Variants in ELAPOR2 observed in about 807,000 individuals in gnomAD.
ELAPOR2 encodes the protein endosome/lysosome-associated apoptosis and autophagy regulator family member 2.
Under a neutral mutation model 120.7 loss-of-function variants are expected in ELAPOR2, and 89 were observed. The observed-to-expected ratio is 0.74, with a 90% CI of 0.62 to 0.88. The LOEUF (loss-of-function observed/expected upper bound fraction) is 0.88. Ranked by LOEUF, ELAPOR2 falls within the 40% of genes least tolerant of loss-of-function variation. ELAPOR2 has a pLI of 0.00. For synonymous variants in ELAPOR2, 444 were observed against 444.9 expected, an observed-to-expected ratio of 1.00 and a Z score of 0.03; for missense variants, 1,134 against 1,251.6, an observed-to-expected ratio of 0.91 and a Z score of 1.42.
intron 8 of ELAPOR2, among the ~76,000 whole-genome samples, chr7:86,927,944 G>A (rs142394692): frequency 1.3e-4 from 20 of 152,028 alleles, no homozygotes; most frequent in South Asian, 4.2e-4. Context: ...AATTAAAGGC[G>A]ATTGTCCATA....
At chr7:87,026,793 G>T (rs139349437) in intron 1 of ELAPOR2, among the ~76,000 whole-genome samples, 1 of 151,520 alleles carries the variant, frequency 6.6e-6, no homozygotes, top group African/African-American at 2.4e-5. Context: ...TAATAAATAC[G>T]ATCTGTATTT....
At chr7:86,966,198 G>A (rs541785295) in intron 1 of ELAPOR2, among the ~76,000 whole-genome samples, 1 of 152,176 alleles carries the variant, frequency 6.6e-6, no homozygotes, top group South Asian at 2.1e-4. Flanking sequence ...CATCTTACAA[G>A]TTTTGCTTTC....
intron 13 of ELAPOR2, 114 bp from the exon 14 acceptor site, chr7:86,913,318 G>A: frequency 1.0e-6 from 1 of 999,550 alleles, no homozygotes; most frequent in Non-Finnish European, 1.5e-6. Flanking sequence ...CAGCCTAATA[G>A]TTTGTAATTG....
intron 1 of ELAPOR2, among the ~76,000 whole-genome samples, chr7:87,015,159 T>G (rs990448426): frequency 2.0e-5 from 3 of 152,206 alleles, no homozygotes; most frequent in Non-Finnish European, 2.9e-5. Flanking sequence ...TGTCTTTAAT[T>G]TTTTGCAAAT....
chr7:86,955,802 G>GT (rs1791445158), intron 2 of ELAPOR2, among the ~76,000 whole-genome samples: 1 of 151,896 alleles, frequency 6.6e-6, no homozygotes. Flanking sequence ...CTTTTCTACT[G>GT]TTTCTAGTGG....
chr7:86,993,237 A>T (rs1221892889), intron 1 of ELAPOR2, among the ~76,000 whole-genome samples: 1 of 148,130 alleles, frequency 6.8e-6, no homozygotes, highest in Non-Finnish European at 1.5e-5. Context: ...TCCATCTCAA[A>T]AAAAAAAAAA....
At chr7:86,902,093 T>C (rs73382375) in intron 18 of ELAPOR2, among the ~76,000 whole-genome samples, 17,273 of 152,236 alleles carry the variant, frequency 0.11, 1,034 homozygotes, top group African/African-American at 0.14. Context: ...GCTTGCTCTC[T>C]GCTTCATAGA....
Position 86,911,909 on chromosome 7 carries a change from C to G in ELAPOR2, c.2169+163G>C. The G allele has an allele frequency of 4.2e-6, 3 of 716,742 alleles. No homozygotes were observed. In the South Asian group the frequency reaches 5.6e-5, roughly 13 times the overall value. The allele number at this position is 716,742 out of a possible 1,614,324, so 44.4% of individuals were successfully genotyped here. ...ACAAGGTTGCCCCTGGTGGAGAAAT[C>G]TGCCAATATTCTAGGCAGCAATAGA... On this transcript the variant is annotated intron_variant, in intron 15 of 21. Coordinates refer to ENST00000450689, the MANE Select transcript of ELAPOR2 (RefSeq NM_001142749.3).
chr7:87,029,919 G>A (rs1003568063), intron 1 of ELAPOR2, among the ~76,000 whole-genome samples: 1 of 152,120 alleles, frequency 6.6e-6, no homozygotes, highest in African/African-American at 2.4e-5. Context: ...TGGAAGTAGA[G>A]TCAAATGCCT....
chr7:87,046,861 A>G (rs536612113), intron 1 of ELAPOR2, among the ~76,000 whole-genome samples: 1 of 152,216 alleles, frequency 6.6e-6, no homozygotes, highest in Non-Finnish European at 1.5e-5. Context: ...CTTTATATCA[A>G]TGTGAAAAGA....
intron 21 of ELAPOR2, among the ~76,000 whole-genome samples, chr7:86,888,191 A>C (rs1425697934): frequency 6.6e-6 from 1 of 152,114 alleles, no homozygotes; most frequent in Non-Finnish European, 1.5e-5. Context: ...ACATGGACAA[A>C]GCGGGGGTAC....
rs1788503312 is a variant in ELAPOR2 at position 86,897,607 on chromosome 7, C to T, written c.2584G>A (p.Gly862Arg). The change falls in exon 19 of 22, where the codon GGG becomes AGG. Residue 862 changes from glycine to arginine, a missense_variant. This residue lies in a region of ELAPOR2 where 831 missense variants were observed against 867.6 expected (regional missense o/e 0.96). Transcript: ENST00000450689. The stretch of plus-strand genomic sequence containing the variant: ...TCCCACAGGAAATAGAACGTACACC[C>T]ATCACAGGTACCTGCTGGGCACTTG... ...PSKCPAGTCD[G>R]CTFYFLWESA... 6.2e-7 allele frequency: 1 copy of T among 1,613,340 alleles called. No individual in the cohort carries two copies. The highest frequency in any genetic ancestry group is 8.5e-7 in the Non-Finnish European group (1 of 1,179,514).
chr7:86,978,068 C>T (rs1792339908), intron 1 of ELAPOR2, among the ~76,000 whole-genome samples: 1 of 152,190 alleles, frequency 6.6e-6, no homozygotes, highest in Non-Finnish European at 1.5e-5. Context: ...ATAATTTCCA[C>T]CTGTCAAGGG....
chr7:86,945,636 T>C (rs1390931185), intron 3 of ELAPOR2, among the ~76,000 whole-genome samples: 2 of 152,140 alleles, frequency 1.3e-5, no homozygotes, highest in East Asian at 3.8e-4. Flanking sequence ...ATGGCAATAG[T>C]ATGAAGATAA....
intron 20 of ELAPOR2, 74 bp downstream of exon 20, chr7:86,892,848 A>G (rs1355566353): frequency 3.9e-6 from 5 of 1,293,284 alleles, no homozygotes; most frequent in Non-Finnish European, 5.1e-6. Context: ...TATTGGATAT[A>G]ATGATCAAGT....
intron 2 of ELAPOR2, among the ~76,000 whole-genome samples, chr7:86,963,712 T>G (rs1017898219): frequency 1.3e-5 from 2 of 152,232 alleles, no homozygotes; most frequent in African/African-American, 4.8e-5. Context: ...ATAGGTATGA[T>G]TCAGGCTCTG....
In ELAPOR2 at chr7:86,994,840, C is replaced by G. The variant is rs571957170; in HGVS notation, c.190-29816G>C. Among the ~76,000 whole-genome samples, 10 of 152,232 alleles carry G rather than the reference C, an allele frequency of 6.6e-5. 1 individual carries two copies. The highest frequency in any genetic ancestry group is 2.0e-4 in the Admixed American group (3 of 15,284). The stretch of plus-strand genomic sequence containing the variant: ...AAGTAGAAGAGACAGGGCTACACTT[C>G]CTGACCCATACTTCATTCATTCTTT... On this transcript the variant is annotated intron_variant, in intron 1 of 21. Coordinates refer to ENST00000450689, the MANE Select transcript of ELAPOR2 (RefSeq NM_001142749.3).
At chr7:87,047,538 C>T (rs1396383531) in intron 1 of ELAPOR2, among the ~76,000 whole-genome samples, 1 of 152,146 alleles carries the variant, frequency 6.6e-6, no homozygotes, top group Non-Finnish European at 1.5e-5. Context: ...AGATATTTCT[C>T]AAAAGAAGAC....
Position 86,926,918 on chromosome 7 carries a change from TACAA to T in ELAPOR2, c.1090-6_1090-3del. ...TATCCACTTGTACATTATCTGTGTC[TACAA>T]AAAAAAAAAAAAAAAAAAAGCAACC... On this transcript the variant is annotated splice_polypyrimidine_tract_variant and splice_region_variant and intron_variant, in intron 8 of 21. Coordinates refer to ENST00000450689, the MANE Select transcript of ELAPOR2 (RefSeq NM_001142749.3). The T allele has an allele frequency of 1.3e-5, 8 of 624,304 alleles. No individual in the cohort carries two copies. The highest frequency in any genetic ancestry group is 1.2e-4 in the South Asian group (2 of 16,468). 38.7% of individuals were successfully genotyped at this position (624,304 alleles called of 1,614,324 possible). A position where few individuals can be genotyped will look rare whatever the true frequency, so the allele number is the denominator to read the frequency against.
Sources: allele counts gnomAD v4.1 joint callset (sites outside exome capture counted in the v4.1 genomes callset), GRCh38; gene constraint gnomAD v4.1.1; regional missense constraint gnomAD v4.1.1; transcripts MANE v1.5; gene names NCBI Gene and HGNC (gene_info 2026-07-23, HGNC 2026-07-21).